The following TCF20 variants were observed in gnomAD, a reference collection of about 807,000 sequenced individuals.
The protein encoded by TCF20 is transcription factor 20, also known as SPRE-binding protein.
A neutral mutation model predicts 148.6 loss-of-function variants in TCF20; 3 were observed. The ratio of observed to expected loss-of-function variants is 0.02; its 90% CI spans 0.01 to 0.05. The LOEUF (loss-of-function observed/expected upper bound fraction) is 0.05, where lower values mean the gene tolerates loss of function less well. TCF20 is among the 10% of genes least tolerant of loss of function. TCF20 has a pLI of 1.00. For missense variants in TCF20, 2,350 were observed against 2,429.3 expected (o/e 0.97, Z 0.69); for synonymous variants, 1,049 against 909.5 (o/e 1.15, Z -2.76).
At chr22:42,288,293 G>A (rs868428671), upstream of TCF20, among the ~76,000 whole-genome samples, 10 of 152,054 alleles carry the variant, frequency 6.6e-5, no homozygotes, top group South Asian at 4.2e-4. Flanking sequence ...ATCCCAGAAC[G>A]TTGGGAGGCC....
intron 2 of TCF20, among the ~76,000 whole-genome samples, chr22:42,208,639 AT>A (rs1938552916): frequency 6.6e-6 from 1 of 152,156 alleles, no homozygotes; most frequent in African/African-American, 2.4e-5. Flanking sequence ...TACAAAAAAG[AT>A]TAGATGATAA....
upstream of TCF20, among the ~76,000 whole-genome samples, chr22:42,273,094 C>T (rs1484452163): frequency 1.3e-5 from 2 of 152,050 alleles, no homozygotes; most frequent in African/African-American, 4.8e-5. Context: ...GGCACAGTGG[C>T]TTACGCCTGT....
chr22:42,195,998 G>A (rs1160389171), intron 2 of TCF20, among the ~76,000 whole-genome samples: 2 of 152,206 alleles, frequency 1.3e-5, no homozygotes, highest in Non-Finnish European at 2.9e-5. Flanking sequence ...ATCTGGTGAG[G>A]ACGACAATCA....
intron 1 of TCF20, among the ~76,000 whole-genome samples, chr22:42,291,122 C>T (rs987625059): frequency 6.6e-6 from 1 of 152,222 alleles, no homozygotes; most frequent in Non-Finnish European, 1.5e-5. Flanking sequence ...ACTCCATCTC[C>T]TCTTCTCTGA....
intron 1 of TCF20, among the ~76,000 whole-genome samples, chr22:42,225,862 G>A (rs1391237029): frequency 6.6e-6 from 1 of 152,152 alleles, no homozygotes; most frequent in African/African-American, 2.4e-5. Flanking sequence ...CCAGGCAAGT[G>A]TGCACACAGG....
In TCF20 at chr22:42,213,199, CAGG is replaced by C. The variant is rs771214765; in HGVS notation, c.2104_2106del (p.Pro702del). The stretch of plus-strand genomic sequence containing the variant: ...TCTTTGTAACTATAGCGCAGACTTC[CAGG>C]AGATTTGCTAGGCTCAGTTCTGCTC... On this transcript the variant is annotated inframe_deletion, in exon 2 of 6. Transcript: ENST00000677622. 5.1e-5 allele frequency: 82 copies of C among 1,614,088 alleles called. No individual in the cohort carries two copies. Among genetic ancestry groups the C allele is most frequent in the Admixed American group, 6.7e-5 (4 of 59,994 alleles).
chr22:42,326,645 T>C (rs907656705), intron 1 of TCF20, among the ~76,000 whole-genome samples: 2 of 152,204 alleles, frequency 1.3e-5, no homozygotes, highest in African/African-American at 2.4e-5. Flanking sequence ...CCCTGCCGTT[T>C]AGCCAGGCCA....
At chr22:42,298,616 G>C (rs768264988) in intron 1 of TCF20, among the ~76,000 whole-genome samples, 15 of 152,202 alleles carry the variant, frequency 9.9e-5, no homozygotes, top group Non-Finnish European at 2.2e-4. Flanking sequence ...GGATGGTGCT[G>C]GGGGAGGGGG....
chr22:42,266,082 TAAA>T (rs134876), intron 1 of TCF20, among the ~76,000 whole-genome samples: 3 of 141,580 alleles, frequency 2.1e-5, no homozygotes, highest in Non-Finnish European at 1.5e-5. Context: ...GCTTTAAAAT[TAAA>T]AAAAAAAAAA....
In TCF20 at chr22:42,270,533, C is replaced by T. The variant is rs1218144863; in HGVS notation, c.-231G>A. On this transcript the variant is annotated 5_prime_UTR_variant, in exon 1 of 6. Transcript: ENST00000677622. ...GCTCGCTCCGGCCCGCGCGCTCGCTCCCCGGTCAGGCGCGCCTCAGGGCGG... is the reference window on the plus strand; with the variant it reads ...GCTCGCTCCGGCCCGCGCGCTCGCTTCCCGGTCAGGCGCGCCTCAGGGCGG... Among the ~76,000 whole-genome samples, 1 of 145,684 alleles carries T rather than the reference C, an allele frequency of 6.9e-6. No individual in the cohort carries two copies. The highest frequency in any genetic ancestry group is 2.5e-5 in the African/African-American group (1 of 40,692).
At chr22:42,305,924 G>A (rs2147037491) in intron 1 of TCF20, among the ~76,000 whole-genome samples, 1 of 152,324 alleles carries the variant, frequency 6.6e-6, no homozygotes, top group African/African-American at 2.4e-5. Context: ...GGGCAGGGGT[G>A]CTCCTGGGGG....
chr22:42,214,016 A>G lies in TCF20; in HGVS notation c.1290T>C (p.Ser430=), dbSNP rs886321128. ...PTPSMMPSPN[S]HAAGFKGFGL... is the part of the protein sequence containing the mutation. ...CAAACCCTTTGAAGCCTGCAGCATG[A>G]GAATTAGGACTGGGCATCATTGATG... Residue 430 remains serine (S), a synonymous_variant, in exon 2 of 6, where the codon TCT becomes TCC. Coordinates refer to ENST00000677622, the MANE Select transcript of TCF20 (RefSeq NM_001378418.1). 6.2e-7 allele frequency: 1 copy of G among 1,614,054 alleles called. No homozygotes were observed. The highest frequency in any genetic ancestry group is 1.3e-5 in the African/African-American group (1 of 74,914).
intron 5 of TCF20, among the ~76,000 whole-genome samples, chr22:42,168,394 C>T (rs1241891669): frequency 2.0e-5 from 3 of 152,208 alleles, no homozygotes; most frequent in Non-Finnish European, 4.4e-5. Flanking sequence ...AGTCACCCTG[C>T]ACCCCATTGG....
intron 1 of TCF20, among the ~76,000 whole-genome samples, chr22:42,242,915 T>C (rs954368829): frequency 3.3e-5 from 5 of 151,842 alleles, no homozygotes; most frequent in Admixed American, 2.6e-4. Flanking sequence ...TGCAGGAACC[T>C]TAAATGATTA....
chr22:42,164,204 A>ATTTC (rs1268770014), intron 5 of TCF20, among the ~76,000 whole-genome samples: 2 of 132,712 alleles, frequency 1.5e-5, no homozygotes, highest in African/African-American at 5.9e-5. Flanking sequence ...GGATGCACTC[A>ATTTC]TTTCTTTCTT....
At chr22:42,190,243 G>A (rs1033515707) in intron 2 of TCF20, among the ~76,000 whole-genome samples, 2 of 152,156 alleles carry the variant, frequency 1.3e-5, no homozygotes, top group African/African-American at 2.4e-5. Flanking sequence ...AGGACTGCCT[G>A]AGGCCAGGAG....
chr22:42,236,301 A>G (rs117154009), intron 1 of TCF20, among the ~76,000 whole-genome samples: 1 of 152,370 alleles, frequency 6.6e-6, no homozygotes, highest in East Asian at 1.9e-4. Flanking sequence ...TGATTGGTGT[A>G]ACAGCACTCT....
chr22:42,224,038 C>G (rs1922619494), intron 1 of TCF20, among the ~76,000 whole-genome samples: 1 of 152,116 alleles, frequency 6.6e-6, no homozygotes, highest in Non-Finnish European at 1.5e-5. Context: ...AGGAAAGAAA[C>G]CCACAAGAAT....
At position 42,210,168 on chromosome 22, in the gene TCF20, C is replaced by T; in HGVS notation, c.5138G>A (p.Ser1713Asn). ...LVCCLCGKWA[S>N]YRNMGDLFGP... ...AAAGAGGTCACCCATGTTCCGGTAA[C>T]TGGCCCACTTGCCACACAGACAGCA... The change falls in exon 2 of 6, where the codon AGT (serine) becomes AAT (asparagine). Residue 1713 changes from serine to asparagine, a missense_variant. Around this residue, in one of 7 missense-constraint regions of TCF20, gnomAD observed 374 missense variants for 398.3 expected, o/e 0.94. Coordinates refer to ENST00000677622, the MANE Select transcript of TCF20 (RefSeq NM_001378418.1). The surrounding 1 kb of genome is among the most constrained non-coding windows in gnomAD (Gnocchi z 4.7). 1 of 1,614,204 alleles carries T rather than the reference C, an allele frequency of 6.2e-7. No homozygotes were observed. Among genetic ancestry groups the T allele is most frequent in the Non-Finnish European group, 8.5e-7 (1 of 1,180,044 alleles).
Sources: gnomAD v4.1 joint callset for allele counts (sites outside exome capture counted in the v4.1 genomes callset) on GRCh38, gnomAD v4.1.1 for gene constraint, gnomAD v4.1.1 regional missense constraint, Gnocchi (gnomAD v3.1) non-coding constraint, MANE v1.5 for transcripts, NCBI Gene and HGNC (gene_info 2026-07-23, HGNC 2026-07-21) for gene names.